BOC: variants seen among roughly 807,000 people sequenced by gnomAD.
The protein encoded by BOC is brother of CDO.
In BOC, 76 loss-of-function variants were observed where a neutral mutation model predicts 112.0. The ratio of observed to expected loss-of-function variants is 0.68; its 90% CI spans 0.56 to 0.82. BOC has a LOEUF of 0.82. BOC is among the 40% of genes least tolerant of loss of function. The pLI is 0.00. For missense variants in BOC, 1,309 were observed against 1,511.7 expected, an observed-to-expected ratio of 0.87 and a Z score of 2.22; for synonymous variants, 580 against 599.8, an observed-to-expected ratio of 0.97 and a Z score of 0.48.
intron 2 of BOC, among the ~76,000 whole-genome samples, chr3:113,233,172 T>A (rs1406373679): frequency 6.6e-6 from 1 of 150,750 alleles, no homozygotes; most frequent in Non-Finnish European, 1.5e-5. Flanking sequence ...TGTGTGTGTG[T>A]GTGTGTGTGT....
In BOC at chr3:113,278,873, G is replaced by T; in HGVS notation, c.1816+90G>T. The stretch of plus-strand genomic sequence containing the variant: ...CATGGCTGAATGGGGTCTTGCTTCT[G>T]TAGGTCCAGGGTTTTTATGACATCT... On this transcript the variant is annotated intron_variant, in intron 11 of 19. Transcript: ENST00000682979. This position sits in a 1 kb window ranked among gnomAD's most constrained non-coding sequence, Gnocchi z 4.2. 8.8e-7 allele frequency: 1 copy of T among 1,132,260 alleles called. No individual in the cohort carries two copies. The highest frequency in any genetic ancestry group is 1.3e-6 in the Non-Finnish European group (1 of 780,672). 70.1% of individuals were successfully genotyped at this position (1,132,260 alleles called of 1,614,324 possible). A position where few individuals can be genotyped will look rare whatever the true frequency, so the allele number is the denominator to read the frequency against.
At chr3:113,256,124 G>A (rs187414885) in intron 4 of BOC, among the ~76,000 whole-genome samples, 15 of 152,178 alleles carry the variant, frequency 9.9e-5, no homozygotes, top group Admixed American at 7.2e-4. Flanking sequence ...TTATTTGTTC[G>A]CCCATGTGGT....
intron 2 of BOC, among the ~76,000 whole-genome samples, chr3:113,236,994 G>T (rs1576371134): frequency 6.6e-6 from 1 of 152,190 alleles, no homozygotes; most frequent in Non-Finnish European, 1.5e-5. Flanking sequence ...CTCACTCAAG[G>T]TGATCTTCTG....
At position 113,274,250 on chromosome 3, in the gene BOC, G is replaced by T; in HGVS notation, c.1235-125G>T. On this transcript the variant is annotated intron_variant, in intron 8 of 19. Transcript: ENST00000682979. The surrounding 1 kb of genome is among the most constrained non-coding windows in gnomAD (Gnocchi z 4.8). ...CTGGCTGGGCAGCACAGAGTGGGTG[G>T]CGGTACAGCTGATGGTGGGCCCAGG... 1 of 847,014 alleles carries T rather than the reference G, an allele frequency of 1.2e-6. No homozygotes were observed. 52.5% of individuals were successfully genotyped at this position (847,014 alleles called of 1,614,324 possible). A position where few individuals can be genotyped will look rare whatever the true frequency, so the allele number is the denominator to read the frequency against.
chr3:113,286,886 A>G lies in BOC; in HGVS notation c.*24A>G. The G allele has an allele frequency of 1.3e-6, 2 of 1,529,132 alleles. No homozygotes were observed. The highest frequency in any genetic ancestry group is 4.6e-5 in the East Asian group (2 of 43,386). The allele number at this position is 1,529,132 out of a possible 1,614,324, so 94.7% of individuals were successfully genotyped here. On this transcript the variant is annotated 3_prime_UTR_variant, in exon 20 of 20. Transcript: ENST00000682979. The stretch of plus-strand genomic sequence containing the variant: ...AGGCAGAAGCTGATATCCCAGAAAG[A>G]CTATATATTGTTTTTTTTTTAAAAA...
intron 4 of BOC, among the ~76,000 whole-genome samples, chr3:113,259,279 C>T (rs1234255654): frequency 6.6e-6 from 1 of 152,220 alleles, no homozygotes; most frequent in African/African-American, 2.4e-5. Context: ...ATTCTTTGCA[C>T]TCACAGCCAA....
chr3:113,254,260 A>G (rs750228940), intron 4 of BOC, among the ~76,000 whole-genome samples: 2 of 152,206 alleles, frequency 1.3e-5, no homozygotes, highest in Admixed American at 6.5e-5. Flanking sequence ...TTAGACATGA[A>G]TCAGAAGGCA....
chr3:113,253,126 T>C (rs953369437), intron 4 of BOC, among the ~76,000 whole-genome samples: 6 of 152,166 alleles, frequency 3.9e-5, no homozygotes, highest in Non-Finnish European at 8.8e-5. Context: ...CATTTTGGAG[T>C]ATACCCTTCC....
Position 113,275,800 on chromosome 3 carries a change from T to TG in BOC, c.1542+1120dup, listed in dbSNP as rs1948603121. Among the ~76,000 whole-genome samples the TG allele has an allele frequency of 2.0e-5, 3 of 152,198 alleles. No individual in the cohort carries two copies. In the South Asian group the frequency reaches 6.2e-4, roughly 32 times the overall value. On this transcript the variant is annotated intron_variant, in intron 9 of 19. Coordinates refer to ENST00000682979, the MANE Select transcript of BOC (RefSeq NM_001378074.1). ...AAGCTGTTTCCCTGCCTTGGAGCCCTGGCCCCTGACTCCTTCTATTCTGTT... is the reference window on the plus strand; with the variant it reads ...AAGCTGTTTCCCTGCCTTGGAGCCCTGGGCCCCTGACTCCTTCTATTCTGTT...
At position 113,287,226 on chromosome 3, in the gene BOC, A is replaced by G. The variant is rs1949768783; in HGVS notation, c.*364A>G. On this transcript the variant is annotated 3_prime_UTR_variant, in exon 20 of 20. Coordinates refer to ENST00000682979, the MANE Select transcript of BOC (RefSeq NM_001378074.1). ...CCCAGGCACATGGTTCATCACGAGC[A>G]TGAGGGAACAGCAAGGGGCACGGTA... 1 of 367,816 alleles carries G rather than the reference A, an allele frequency of 2.7e-6. No individual in the cohort carries two copies. Among genetic ancestry groups the G allele is most frequent in the East Asian group, 7.4e-5 (1 of 13,602 alleles). 22.8% of individuals were successfully genotyped at this position (367,816 alleles called of 1,614,324 possible).
intron 4 of BOC, among the ~76,000 whole-genome samples, chr3:113,262,996 G>A (rs1319759090): frequency 6.6e-6 from 1 of 152,216 alleles, no homozygotes; most frequent in Non-Finnish European, 1.5e-5. Context: ...CACCTCGGGT[G>A]TCTCTCAAAA....
intron 6 of BOC, chr3:113,271,684 C>T (rs868807373): frequency 5.8e-6 from 1 of 171,562 alleles, no homozygotes; most frequent in Non-Finnish European, 1.3e-5. Flanking sequence ...TTTAGAAAAC[C>T]TGGGTGTGTC....
At chr3:113,268,167 T>C (rs1443735865) in intron 4 of BOC, 132 bp from the exon 5 acceptor site, 1 of 1,391,080 alleles carries the variant, frequency 7.2e-7, no homozygotes, top group Non-Finnish European at 9.7e-7. Flanking sequence ...GAGGAAGAAC[T>C]CGGAGGATCC....
intron 17 of BOC, 50 bp downstream of exon 17, chr3:113,284,617 G>A (rs1453693850): frequency 6.3e-7 from 1 of 1,575,528 alleles, no homozygotes; most frequent in African/African-American, 1.3e-5. Flanking sequence ...CCAGGAGGGA[G>A]TGGCTGGGCT....
intron 2 of BOC, among the ~76,000 whole-genome samples, chr3:113,233,942 C>A (rs1357013184): frequency 6.6e-6 from 1 of 152,098 alleles, no homozygotes; most frequent in Non-Finnish European, 1.5e-5. Flanking sequence ...GTATCACCTT[C>A]CCCTGCTCAA....
intron 4 of BOC, among the ~76,000 whole-genome samples, chr3:113,263,061 C>G (rs7432108): frequency 6.6e-6 from 1 of 152,226 alleles, no homozygotes; most frequent in Non-Finnish European, 1.5e-5. Flanking sequence ...GAGTAGTGCT[C>G]CAGTAGAGCA....
At chr3:113,268,544 G>A in intron 5 of BOC, 99 bp downstream of exon 5, 2 of 1,225,962 alleles carry the variant, frequency 1.6e-6, no homozygotes, top group Non-Finnish European at 2.3e-6. Context: ...AGCTGCTGCT[G>A]TCTCCCAAAC....
intron 1 of BOC, among the ~76,000 whole-genome samples, chr3:113,215,832 C>G (rs1359991890): frequency 1.3e-5 from 2 of 152,226 alleles, no homozygotes; most frequent in Non-Finnish European, 2.9e-5. Flanking sequence ...TCTGTATTAT[C>G]ACCCCAAATC....
chr3:113,270,950 G>A lies in BOC; in HGVS notation c.667+6G>A, dbSNP rs771241705. 1 of 1,614,154 alleles carries A rather than the reference G, an allele frequency of 6.2e-7. No individual in the cohort carries two copies. Among genetic ancestry groups the A allele is most frequent in the Non-Finnish European group, 8.5e-7 (1 of 1,180,044 alleles). ...CGACAGGCTACGTGTGCGCCGTAAG[G>A]CCCGGGCCCACCTGCTGGGGGATGG... On this transcript the variant is annotated splice_donor_region_variant and intron_variant, in intron 6 of 19. Transcript: ENST00000682979.
Sources: gnomAD v4.1 joint callset for allele counts (sites outside exome capture counted in the v4.1 genomes callset) on GRCh38, gnomAD v4.1.1 for gene constraint, Gnocchi (gnomAD v3.1) non-coding constraint, MANE v1.5 for transcripts, NCBI Gene and HGNC (gene_info 2026-07-23, HGNC 2026-07-21) for gene names.